The following LCOR variants were observed in gnomAD, a reference collection of about 807,000 sequenced individuals.
The protein encoded by LCOR is ligand-dependent corepressor.
Under a neutral mutation model 64.4 loss-of-function variants are expected in LCOR, and 14 were observed. The observed-to-expected ratio is 0.22, with a 90% CI of 0.14 to 0.34. The LOEUF is 0.34. Among genes scored for constraint, LCOR ranks in the 10% least tolerant of loss-of-function variants. The pLI is 1.00. For missense variants in LCOR, 1,686 were observed against 1,765.3 expected (o/e 0.96, Z 0.80); for synonymous variants, 643 against 642.5 (o/e 1.00, Z -0.01).
chr10:96,896,434 G>GT (rs1013663690), intron 2 of LCOR, among the ~76,000 whole-genome samples: 20 of 151,694 alleles, frequency 1.3e-4, no homozygotes, highest in Non-Finnish European at 2.7e-4. Context: ...ATTACCATTT[G>GT]TTTTTTTGAG....
chr10:96,834,358 A>G (rs114459515), intron 2 of LCOR, among the ~76,000 whole-genome samples: 3,247 of 152,304 alleles, frequency 0.021, 117 homozygotes, highest in African/African-American at 0.073. Flanking sequence ...CCTCCTGCCA[A>G]TCCAAGACCA....
intron 2 of LCOR, among the ~76,000 whole-genome samples, chr10:96,845,280 A>G (rs1337324135): frequency 1.3e-5 from 2 of 151,942 alleles, no homozygotes; most frequent in African/African-American, 4.8e-5. Flanking sequence ...CTTCAGTAAG[A>G]AAAAATGAGG....
At chr10:96,961,791 A>G (rs997778093) in intron 7 of LCOR, 5 of 152,086 alleles carry the variant, frequency 3.3e-5, no homozygotes, top group African/African-American at 1.2e-4. Flanking sequence ...ATTTCAATCT[A>G]GAATATTTTT....
intron 7 of LCOR, chr10:96,954,825 G>T: frequency 1.7e-6 from 1 of 574,282 alleles, no homozygotes; most frequent in Non-Finnish European, 2.8e-6. Context: ...TAATTTTAGA[G>T]AAAAATAAAT....
intron 2 of LCOR, among the ~76,000 whole-genome samples, chr10:96,868,174 G>A (rs1589617189): frequency 6.7e-6 from 1 of 149,678 alleles, no homozygotes; most frequent in African/African-American, 2.5e-5. Context: ...GTGAGCCACC[G>A]CACCGGGCCG....
In LCOR at chr10:96,981,349, C is replaced by G; in HGVS notation, c.889C>G (p.Gln297Glu). 1 of 1,613,596 alleles carries G rather than the reference C, an allele frequency of 6.2e-7. No individual in the cohort carries two copies. The highest frequency in any genetic ancestry group is 8.5e-7 in the Non-Finnish European group (1 of 1,179,806). Residue 297 changes from glutamine (Q) to glutamate (E), a missense_variant, in exon 8 of 8, where the codon CAA becomes GAA. Coordinates refer to ENST00000421806, the MANE Select transcript of LCOR (RefSeq NM_001346516.2). Reference sequence around the variant, plus strand: ...GGAGGGGCAGACCACTGGACAAGAGCAAGACACAAATGTGAACATATGTGA... The same window carrying G: ...GGAGGGGCAGACCACTGGACAAGAGGAAGACACAAATGTGAACATATGTGA... ...ILEGQTTGQE[Q>E]DTNVNICEDG...
chr10:96,852,210 A>G (rs2134379624), intron 2 of LCOR, among the ~76,000 whole-genome samples: 1 of 152,338 alleles, frequency 6.6e-6, no homozygotes, highest in Admixed American at 6.5e-5. Flanking sequence ...TGAGCCCAGG[A>G]ATTTGAGACC....
At position 96,871,645 on chromosome 10, in the gene LCOR, G is replaced by C. The variant is rs186857986; in HGVS notation, c.-329-35620G>C. The stretch of plus-strand genomic sequence containing the variant: ...TCGCCATGTTGCTCAGGCTAGTCTT[G>C]AACTCTTGAGCTCAAAGCAAATCGG... On this transcript the variant is annotated intron_variant, in intron 2 of 7. Coordinates refer to ENST00000421806, the MANE Select transcript of LCOR (RefSeq NM_001346516.2). 8.5e-4 allele frequency among the ~76,000 whole-genome samples: 127 copies of C among 149,950 alleles called. 1 individual carries two copies. The highest frequency in any genetic ancestry group is 1.7e-3 in the Non-Finnish European group (112 of 67,636).
intron 2 of LCOR, among the ~76,000 whole-genome samples, chr10:96,880,991 C>A (rs987355229): frequency 6.6e-6 from 1 of 152,186 alleles, no homozygotes; most frequent in Admixed American, 6.5e-5. Context: ...TGTCTTAGTG[C>A]ATTTGAACTT....
intron 7 of LCOR, among the ~76,000 whole-genome samples, chr10:96,970,418 A>G (rs1478455346): frequency 1.3e-5 from 2 of 151,904 alleles, no homozygotes; most frequent in South Asian, 2.1e-4. Context: ...AAATAAGAGT[A>G]AAAAATAAAT....
intron 4 of LCOR, among the ~76,000 whole-genome samples, chr10:96,942,478 C>A (rs955180602): frequency 1.2e-5 from 1 of 83,324 alleles, no homozygotes; most frequent in African/African-American, 6.6e-5. Context: ...GGAGAGGGAG[C>A]GGTCATGATT....
rs548404362 is a variant in LCOR at position 96,937,473 on chromosome 10, A to G, written c.-183-6640A>G. Among the ~76,000 whole-genome samples, 5 of 152,310 alleles carry G rather than the reference A, an allele frequency of 3.3e-5. No individual in the cohort carries two copies. In the South Asian group the frequency reaches 6.2e-4, roughly 19 times the overall value. ...ATTAGTAATTTATAAACTCCCATCA[A>G]AGAAAAGCCCATGGCCAGGTATCTT... On this transcript the variant is annotated intron_variant, in intron 4 of 7. Transcript: ENST00000421806.
In LCOR at chr10:96,955,654, G is replaced by A. The variant is rs748983051; in HGVS notation, c.332+3458G>A. ...AAGCAGCCTCGGAAGAAAAGAGGGC[G>A]TTACAGACAGTACAACAGTGAGATA... is the stretch of plus-strand genomic sequence containing the variant. On this transcript the variant is annotated intron_variant, in intron 7 of 7. Transcript: ENST00000421806. 7.4e-6 allele frequency: 12 copies of A among 1,614,146 alleles called. No homozygotes were observed. The highest frequency in any genetic ancestry group is 1.7e-5 in the Admixed American group (1 of 60,020).
Position 96,983,610 on chromosome 10 carries a change from C to G in LCOR, c.3150C>G (p.Gly1050=), listed in dbSNP as rs1158341370. Residue 1050 remains glycine, a synonymous_variant, in exon 8 of 8, where the codon GGC becomes GGG. Coordinates refer to ENST00000421806, the MANE Select transcript of LCOR (RefSeq NM_001346516.2). The surrounding 1 kb of genome is among the most constrained non-coding windows in gnomAD (Gnocchi z 4.5). ...TYNLRHAHSL[G]SLDASKVTSE... ...ACCTAAGACACGCTCATTCTCTGGG[C>G]TCCTTGGATGCTTCAAAAGTGACTT... is the stretch of plus-strand genomic sequence containing the variant. 1 of 1,614,066 alleles carries G rather than the reference C, an allele frequency of 6.2e-7. No homozygotes were observed. The highest frequency in any genetic ancestry group is 8.5e-7 in the Non-Finnish European group (1 of 1,180,036).
rs1435132790 is a variant in LCOR at position 96,983,109 on chromosome 10, A to G, written c.2649A>G (p.Thr883=). The change falls in exon 8 of 8, where the codon ACA becomes ACG. Residue 883 remains threonine (T), a synonymous_variant. Transcript: ENST00000421806. The surrounding 1 kb of genome is among the most constrained non-coding windows in gnomAD (Gnocchi z 4.5). ...TCCACACGGAAACTCTGGAGGACACAGAAAAGCCAAGTGTCAATGAACGCC... is the reference window on the plus strand; with the variant it reads ...TCCACACGGAAACTCTGGAGGACACGGAAAAGCCAAGTGTCAATGAACGCC... ...DSFHTETLED[T]EKPSVNERPS... is the part of the protein sequence containing the mutation. 2 of 1,613,482 alleles carry G rather than the reference A, an allele frequency of 1.2e-6. No individual in the cohort carries two copies. The highest frequency in any genetic ancestry group is 1.3e-5 in the African/African-American group (1 of 74,910).
At chr10:96,952,061 C>T (rs753506120) in intron 6 of LCOR, 42 bp from the exon 7 acceptor site, 46 of 1,455,410 alleles carry the variant, frequency 3.2e-5, no homozygotes, top group Non-Finnish European at 4.1e-5. Context: ...ACATTTGCTC[C>T]TAGCTTTTAA....
intron 2 of LCOR, among the ~76,000 whole-genome samples, chr10:96,902,716 T>C (rs371840887): frequency 2.0e-5 from 3 of 152,344 alleles, no homozygotes; most frequent in African/African-American, 7.2e-5. Context: ...TCCTGACTTT[T>C]AAGCAAACAA....
chr10:96,833,329 G>C lies in LCOR; in HGVS notation c.-403-77G>C, dbSNP rs923187520. ...CCTGCGGGCCGGAGGGAGCGCGGAC[G>C]GGGGCGCCCCGGGAGGGGCCGGGCG... On this transcript the variant is annotated intron_variant, in intron 1 of 7. Coordinates refer to ENST00000421806, the MANE Select transcript of LCOR (RefSeq NM_001346516.2). 4.2e-6 allele frequency: 4 copies of C among 958,292 alleles called. No individual in the cohort carries two copies. The African/African-American group carries it at 5.3e-5, about 13-fold the overall frequency. 59.4% of individuals were successfully genotyped at this position (958,292 alleles called of 1,614,324 possible).
intron 2 of LCOR, among the ~76,000 whole-genome samples, chr10:96,903,712 G>T (rs907855278): frequency 1.3e-5 from 2 of 151,884 alleles, no homozygotes; most frequent in African/African-American, 2.4e-5. Flanking sequence ...CCCCCTTTTC[G>T]TTGGAAATGG....
Sources: gnomAD v4.1 joint callset for allele counts (sites outside exome capture counted in the v4.1 genomes callset) on GRCh38, gnomAD v4.1.1 for gene constraint, Gnocchi (gnomAD v3.1) non-coding constraint, MANE v1.5 for transcripts, NCBI Gene and HGNC (gene_info 2026-07-23, HGNC 2026-07-21) for gene names.